PIGK: variants seen among roughly 807,000 people sequenced by gnomAD.
PIGK encodes the protein phosphatidylinositol glycan anchor biosynthesis class K.
PIGK carries 42 observed loss-of-function variants against 50.6 expected under a neutral mutation model. The ratio of observed to expected loss-of-function variants is 0.83; its 90% CI spans 0.65 to 1.07. The LOEUF is 1.07. Ranked by LOEUF, PIGK falls within the 50% of genes least tolerant of loss-of-function variation. The pLI is 0.00. For synonymous variants in PIGK, 151 were observed against 156.0 expected, an observed-to-expected ratio of 0.97 and a Z score of 0.24; for missense variants, 448 against 488.7, an observed-to-expected ratio of 0.92 and a Z score of 0.78.
At chr1:77,201,773 T>C (rs1359096513) in intron 3 of PIGK, among the ~76,000 whole-genome samples, 1 of 150,890 alleles carries the variant, frequency 6.6e-6, no homozygotes, top group Non-Finnish European at 1.5e-5. Context: ...AAATCTACTA[T>C]AGCTCAGCAC....
chr1:77,161,211 C>A, intron 8 of PIGK, 84 bp downstream of exon 8: 1 of 731,868 alleles, frequency 1.4e-6, no homozygotes, highest in East Asian at 2.6e-5. Context: ...ACAAGATCCT[C>A]TAGGAGTGCA....
At chr1:77,155,849 G>C (rs1387293575) in intron 8 of PIGK, among the ~76,000 whole-genome samples, 1 of 152,158 alleles carries the variant, frequency 6.6e-6, no homozygotes, top group Non-Finnish European at 1.5e-5. Flanking sequence ...GGGTAGAGCG[G>C]CTACAATTTA....
At chr1:77,154,653 T>G in intron 8 of PIGK, 32 bp from the exon 9 acceptor site, 8 of 1,287,976 alleles carry the variant, frequency 6.2e-6, no homozygotes, top group South Asian at 2.5e-5. Flanking sequence ...AATGCATGCA[T>G]CCACACACAT....
At chr1:77,146,572 G>C (rs973072759) in intron 9 of PIGK, among the ~76,000 whole-genome samples, 1 of 152,100 alleles carries the variant, frequency 6.6e-6, no homozygotes, top group African/African-American at 2.4e-5. Flanking sequence ...GAGGCAGGTG[G>C]ATTGCCTGAG....
intron 9 of PIGK, among the ~76,000 whole-genome samples, chr1:77,143,200 TA>T (rs1654693316): frequency 1.3e-5 from 2 of 152,298 alleles, no homozygotes; most frequent in African/African-American, 4.8e-5. Context: ...TATTACTAAT[TA>T]GTAATAAATA....
At chr1:77,210,835 A>G (rs895439513) in intron 1 of PIGK, among the ~76,000 whole-genome samples, 2 of 152,034 alleles carry the variant, frequency 1.3e-5, no homozygotes, top group African/African-American at 4.8e-5. Context: ...CCTACATCAC[A>G]GGGCTCTTTT....
chr1:77,113,274 A>G (rs1653894174), intron 10 of PIGK, among the ~76,000 whole-genome samples: 1 of 152,116 alleles, frequency 6.6e-6, no homozygotes, highest in Non-Finnish European at 1.5e-5. Flanking sequence ...TGTAATAGAA[A>G]GGCAGAAAAG....
At chr1:77,142,896 T>A (rs1346963132) in intron 9 of PIGK, among the ~76,000 whole-genome samples, 1 of 152,156 alleles carries the variant, frequency 6.6e-6, no homozygotes, top group African/African-American at 2.4e-5. Flanking sequence ...AGTCCATTCA[T>A]CTCCGTGCTC....
intron 10 of PIGK, among the ~76,000 whole-genome samples, chr1:77,120,057 T>A (rs1313604768): frequency 6.6e-6 from 1 of 152,146 alleles, no homozygotes; most frequent in Non-Finnish European, 1.5e-5. Context: ...CCTAAACAGG[T>A]GTAGGTAAAG....
chr1:77,135,888 T>C (rs1389397383), intron 9 of PIGK, among the ~76,000 whole-genome samples: 1 of 152,160 alleles, frequency 6.6e-6, no homozygotes, highest in Non-Finnish European at 1.5e-5. Context: ...CTTTGGTTTA[T>C]CTTACTCCCC....
intron 10 of PIGK, among the ~76,000 whole-genome samples, chr1:77,093,748 T>C (rs1653349322): frequency 2.6e-5 from 4 of 152,096 alleles, no homozygotes; most frequent in East Asian, 3.8e-4. Context: ...TTAAATCCAA[T>C]TTTTCTCATG....
At chr1:77,206,758 T>C (rs1656296295) in intron 2 of PIGK, 27 bp from the exon 3 acceptor site, 1 of 1,354,508 alleles carries the variant, frequency 7.4e-7, no homozygotes, top group South Asian at 1.2e-5. Flanking sequence ...AAAACAGAAT[T>C]TTTATGCATC....
At chr1:77,105,940 C>T (rs1018745461) in intron 10 of PIGK, among the ~76,000 whole-genome samples, 11 of 152,098 alleles carry the variant, frequency 7.2e-5, no homozygotes, top group African/African-American at 1.9e-4. Flanking sequence ...CAGAAAACAA[C>T]GGAAAGACAT....
chr1:77,164,547 G>GA (rs949809435), intron 5 of PIGK, among the ~76,000 whole-genome samples: 15 of 148,930 alleles, frequency 1.0e-4, no homozygotes, highest in South Asian at 2.1e-4. Context: ...CATGAAAGTA[G>GA]AAAAAAAAAA....
Position 77,181,942 on chromosome 1 carries a change from C to A in PIGK, c.240-12547G>T, listed in dbSNP as rs183636096. On this transcript the variant is annotated intron_variant, in intron 3 of 10. Coordinates refer to ENST00000370812, the MANE Select transcript of PIGK (RefSeq NM_005482.3). ...AAATTCATCGTAATAAATCTACTAA[C>A]CACAGATGCTTGACCATCAAGATTT... Among the ~76,000 whole-genome samples the A allele has an allele frequency of 1.2e-4, 18 of 152,312 alleles. No homozygotes were observed. The East Asian group carries it at 3.3e-3, about 28-fold the overall frequency.
At chr1:77,177,051 T>TA (rs1380943559) in intron 3 of PIGK, among the ~76,000 whole-genome samples, 11 of 152,368 alleles carry the variant, frequency 7.2e-5, no homozygotes, top group Admixed American at 7.2e-4. Context: ...TTGGGCCACT[T>TA]AAACATTTTA....
intron 1 of PIGK, among the ~76,000 whole-genome samples, chr1:77,212,590 C>G (rs1157591639): frequency 6.6e-6 from 1 of 152,070 alleles, no homozygotes; most frequent in Non-Finnish European, 1.5e-5. Context: ...TATAAACACG[C>G]ATAGACAAAG....
chr1:77,161,824 TAA>T, intron 6 of PIGK, 113 bp from the exon 7 acceptor site: 1 of 667,156 alleles, frequency 1.5e-6, no homozygotes, highest in Admixed American at 2.4e-5. Flanking sequence ...TTTCATTAGC[TAA>T]AAGTTTTCAG....
At chr1:77,218,970 A>T (rs1656654258) in intron 1 of PIGK, among the ~76,000 whole-genome samples, 1 of 152,172 alleles carries the variant, frequency 6.6e-6, no homozygotes. Flanking sequence ...GACTCCTATC[A>T]AAACAGAGGG....
Sources: allele counts gnomAD v4.1 joint callset (sites outside exome capture counted in the v4.1 genomes callset), GRCh38; gene constraint gnomAD v4.1.1; transcripts MANE v1.5; gene names NCBI Gene and HGNC (gene_info 2026-07-23, HGNC 2026-07-21).